Variants in KIAA0825 observed in about 807,000 individuals in gnomAD.
The protein encoded by KIAA0825 is KIAA0825.
KIAA0825 carries 119 observed loss-of-function variants against 147.6 expected under a neutral mutation model. The ratio of observed to expected loss-of-function variants is 0.81; its 90% confidence interval spans 0.69 to 0.94. KIAA0825 has a LOEUF of 0.94. KIAA0825 is among the 40% of genes least tolerant of loss of function. The pLI is 0.00. For synonymous variants in KIAA0825, 470 were observed against 518.1 expected, an observed-to-expected ratio of 0.91 and a Z score of 1.26; for missense variants, 1,381 against 1,472.7, an observed-to-expected ratio of 0.94 and a Z score of 1.02.
At chr5:94,530,979 C>T (rs1259831372) in intron 3 of KIAA0825, among the ~76,000 whole-genome samples, 1 of 152,174 alleles carries the variant, frequency 6.6e-6, no homozygotes, top group East Asian at 1.9e-4. Flanking sequence ...AACAGGGAGA[C>T]ACGTGCTTCC....
chr5:94,254,061 A>C (rs1203489254), intron 20 of KIAA0825, among the ~76,000 whole-genome samples: 1 of 152,134 alleles, frequency 6.6e-6, no homozygotes, highest in Non-Finnish European at 1.5e-5. Context: ...TGCCATTCTG[A>C]AACTTCACTT....
chr5:94,197,553 A>T lies in KIAA0825; in HGVS notation c.3711-43429T>A, dbSNP rs550412734. 3.3e-5 allele frequency among the ~76,000 whole-genome samples: 5 copies of T among 152,342 alleles called. No homozygotes were observed. In the South Asian group the frequency reaches 8.3e-4, roughly 25 times the overall value. Reference sequence around the variant, plus strand: ...CATCATGAAATTGTTGCCAAGGCCAATGTCCAGAATGGCATTTCCTAGATT... The same window carrying T: ...CATCATGAAATTGTTGCCAAGGCCATTGTCCAGAATGGCATTTCCTAGATT... On this transcript the variant is annotated intron_variant, in intron 20 of 20. Transcript: ENST00000682413.
intron 6 of KIAA0825, among the ~76,000 whole-genome samples, chr5:94,478,483 A>ACACACACAC (rs1562539041): frequency 1.3e-5 from 2 of 151,492 alleles, no homozygotes; most frequent in African/African-American, 4.8e-5. Flanking sequence ...ACACACACAC[A>ACACACACAC]AATTGGGGAT....
At chr5:94,297,240 T>C (rs1778177734) in intron 20 of KIAA0825, among the ~76,000 whole-genome samples, 1 of 152,164 alleles carries the variant, frequency 6.6e-6, no homozygotes, top group African/African-American at 2.4e-5. Flanking sequence ...ACAGTTATTA[T>C]CTCTAAATCC....
At chr5:94,381,728 T>C (rs184793416) in intron 20 of KIAA0825, among the ~76,000 whole-genome samples, 24 of 152,286 alleles carry the variant, frequency 1.6e-4, no homozygotes, top group African/African-American at 5.3e-4. Flanking sequence ...TTTACAATTA[T>C]TATTATTTTA....
In KIAA0825 at chr5:94,397,183, C is replaced by A. The variant is rs533605142; in HGVS notation, c.2888-674G>T. On this transcript the variant is annotated intron_variant, in intron 16 of 20. Transcript: ENST00000682413. ...TGAGAAGGCATTCCCGTATCCCTAGCACTTATTACCTCTTATATAATAGTT... is the reference window on the plus strand; with the variant it reads ...TGAGAAGGCATTCCCGTATCCCTAGAACTTATTACCTCTTATATAATAGTT... Among the ~76,000 whole-genome samples, 3 of 152,294 alleles carry A rather than the reference C, an allele frequency of 2.0e-5. No individual in the cohort carries two copies. In the East Asian group the frequency reaches 5.8e-4, roughly 29 times the overall value.
intron 20 of KIAA0825, among the ~76,000 whole-genome samples, chr5:94,309,226 G>T (rs1778950234): frequency 6.6e-6 from 1 of 151,452 alleles, no homozygotes; most frequent in Non-Finnish European, 1.5e-5. Context: ...TGCCCCCAAA[G>T]AATTTTCATT....
At chr5:94,511,071 A>G (rs1766407532) in intron 5 of KIAA0825, among the ~76,000 whole-genome samples, 1 of 152,116 alleles carries the variant, frequency 6.6e-6, no homozygotes, top group South Asian at 2.1e-4. Context: ...GTGTCCTTAA[A>G]AAAGAGACCA....
At chr5:94,424,997 C>T (rs144140413) in intron 14 of KIAA0825, among the ~76,000 whole-genome samples, 5 of 152,182 alleles carry the variant, frequency 3.3e-5, no homozygotes, top group East Asian at 1.9e-4. Flanking sequence ...AGGAGCAATG[C>T]GAAATCTCCC....
At chr5:94,307,218 A>G (rs1210794915) in intron 20 of KIAA0825, among the ~76,000 whole-genome samples, 2 of 151,786 alleles carry the variant, frequency 1.3e-5, no homozygotes, top group Non-Finnish European at 2.9e-5. Flanking sequence ...TTGAAAGGAA[A>G]GAGAATTATA....
intron 16 of KIAA0825, among the ~76,000 whole-genome samples, chr5:94,396,879 C>T (rs1436276715): frequency 6.6e-6 from 1 of 152,078 alleles, no homozygotes; most frequent in Non-Finnish European, 1.5e-5. Flanking sequence ...CCCTTCTCCT[C>T]CTCCCTTGGA....
intron 20 of KIAA0825, among the ~76,000 whole-genome samples, chr5:94,355,091 T>C (rs1343145919): frequency 2.6e-5 from 4 of 152,208 alleles, no homozygotes; most frequent in Non-Finnish European, 5.9e-5. Flanking sequence ...ATTGTTTGAG[T>C]TTGTCTAAGA....
At chr5:94,443,961 T>G (rs1227517072) in intron 13 of KIAA0825, among the ~76,000 whole-genome samples, 2 of 152,202 alleles carry the variant, frequency 1.3e-5, no homozygotes, top group Non-Finnish European at 2.9e-5. Context: ...GACTCCAAAA[T>G]TCACAGCTTG....
chr5:94,387,167 T>TA (rs1749264667), intron 18 of KIAA0825, among the ~76,000 whole-genome samples: 1 of 152,230 alleles, frequency 6.6e-6, no homozygotes, highest in Non-Finnish European at 1.5e-5. Flanking sequence ...TAATAGATTT[T>TA]AAAAAATATA....
intron 18 of KIAA0825, among the ~76,000 whole-genome samples, 171 bp downstream of exon 18, chr5:94,391,364 G>A (rs1437866109): frequency 6.6e-6 from 1 of 152,138 alleles, no homozygotes; most frequent in African/African-American, 2.4e-5. Flanking sequence ...AGCTTTTTCT[G>A]TATAAATGCA....
At chr5:94,384,611 A>G in intron 19 of KIAA0825, 153 bp from the exon 20 acceptor site, 1 of 554,554 alleles carries the variant, frequency 1.8e-6, no homozygotes, top group East Asian at 3.1e-5. Context: ...TGTCCACAGA[A>G]GAAGGTTTTT....
chr5:94,557,878 G>A (rs954884813), intron 2 of KIAA0825, among the ~76,000 whole-genome samples: 4 of 152,010 alleles, frequency 2.6e-5, no homozygotes, highest in African/African-American at 4.8e-5. Context: ...TGGCTCGAGC[G>A]GTGCTTTTGC....
intron 15 of KIAA0825, chr5:94,414,026 T>C (rs928759786): frequency 2.6e-5 from 4 of 152,178 alleles, no homozygotes; most frequent in Non-Finnish European, 4.4e-5. Context: ...GCAGACAATA[T>C]AGCATATATA....
chr5:94,548,667 G>A (rs1774932652), intron 2 of KIAA0825, among the ~76,000 whole-genome samples: 1 of 152,046 alleles, frequency 6.6e-6, no homozygotes, highest in Non-Finnish European at 1.5e-5. Context: ...CTGCCTACAA[G>A]AAATACATTT....
Sources: allele counts gnomAD v4.1 joint callset (sites outside exome capture counted in the v4.1 genomes callset), GRCh38; gene constraint gnomAD v4.1.1; transcripts MANE v1.5; gene names NCBI Gene and HGNC (gene_info 2026-07-23, HGNC 2026-07-21).